PLEKHS1: variants seen among roughly 807,000 people sequenced by gnomAD.
PLEKHS1 encodes pleckstrin homology domain containing S1, also known as pleckstrin homology domain-containing family S member 1.
PLEKHS1 carries 55 observed loss-of-function variants against 51.0 expected under a neutral mutation model. The observed-to-expected ratio is 1.08, with a 90% confidence interval of 0.87 to 1.35. The LOEUF is 1.35. PLEKHS1 is among the 40% of genes most tolerant of loss of function. The pLI is 0.00. For missense variants in PLEKHS1, 398 were observed against 423.0 expected (o/e 0.94, Z 0.52); for synonymous variants, 153 against 144.8 (o/e 1.06, Z -0.41).
rs138481671 is a variant in PLEKHS1 at position 113,758,224 on chromosome 10, A to C, written c.28+2919A>C. On this transcript the variant is annotated intron_variant, in intron 2 of 11. Transcript: ENST00000361048. ...AACTTTGCCCAGATCCATCAGAGGA[A>C]TCACGATCTACAACAGCTATAGCCT... Among the ~76,000 whole-genome samples the C allele has an allele frequency of 7.8e-4, 119 of 152,328 alleles. 1 individual carries two copies. The highest frequency in any genetic ancestry group is 2.8e-3 in the African/African-American group (116 of 41,578).
intron 2 of PLEKHS1, chr10:113,765,151 T>C: frequency 2.4e-6 from 1 of 424,326 alleles, no homozygotes; most frequent in South Asian, 6.5e-5. Flanking sequence ...TTTTACCTTG[T>C]TGTTTCCTGA....
chr10:113,770,946 G>C (rs146613681), intron 7 of PLEKHS1, among the ~76,000 whole-genome samples: 2 of 152,138 alleles, frequency 1.3e-5, no homozygotes, highest in African/African-American at 4.8e-5. Flanking sequence ...AGCATGATCC[G>C]GCTCCATGAG....
chr10:113,766,767 C>T, intron 4 of PLEKHS1, 49 bp downstream of exon 4: 1 of 1,336,852 alleles, frequency 7.5e-7, no homozygotes, highest in Non-Finnish European at 1.0e-6. Flanking sequence ...ACTATAAAGT[C>T]AAACAGTAAC....
Position 113,767,352 on chromosome 10 carries a change from A to G in PLEKHS1, c.232A>G (p.Ser78Gly), listed in dbSNP as rs144206508. The change falls in exon 5 of 12, where the codon AGT (serine) becomes GGT (glycine). Residue 78 changes from serine (S) to glycine (G), a missense_variant. Physicochemically the swap from Ser to Gly is moderately conservative, Grantham distance 56. Coordinates refer to ENST00000361048, the Ensembl canonical transcript of PLEKHS1. ...TGTGTCTATATCTAATAGAAATTCCAGTGTAGAAGTTGGCATAAGTAGCCA... is the reference window on the plus strand; with the variant it reads ...TGTGTCTATATCTAATAGAAATTCCGGTGTAGAAGTTGGCATAAGTAGCCA... 26 of 1,600,206 alleles carry G rather than the reference A, an allele frequency of 1.6e-5. No homozygotes were observed. In the African/African-American group the frequency reaches 3.2e-4, roughly 20 times the overall value.
intron 1 of PLEKHS1, among the ~76,000 whole-genome samples, chr10:113,754,235 G>T (rs913814900): frequency 6.6e-6 from 1 of 152,216 alleles, no homozygotes; most frequent in Non-Finnish European, 1.5e-5. Flanking sequence ...GGTCAGGAGG[G>T]TCAAGGGCCT....
intron 2 of PLEKHS1, chr10:113,765,125 T>C: frequency 5.0e-6 from 2 of 398,444 alleles, no homozygotes; most frequent in Non-Finnish European, 9.0e-6. Context: ...TTTGATTGAC[T>C]GCCAAACATC....
At chr10:113,771,997 T>G in exon 8 of PLEKHS1, 1 of 1,613,268 alleles carries the variant, frequency 6.2e-7, no homozygotes, top group Non-Finnish European at 8.5e-7. Flanking sequence ...TTCTCCAGGA[T>G]TTAGGCAAAC....
intron 11 of PLEKHS1, among the ~76,000 whole-genome samples, chr10:113,778,483 T>G (rs1175350513): frequency 3.9e-5 from 6 of 152,156 alleles, no homozygotes; most frequent in African/African-American, 1.4e-4. Flanking sequence ...AGAACACATC[T>G]TATCTCTTCT....
At chr10:113,777,628 G>C in intron 11 of PLEKHS1, 2 of 1,542,402 alleles carry the variant, frequency 1.3e-6, no homozygotes, top group South Asian at 1.2e-5. Context: ...CTGGTTGTTG[G>C]ATAATTAAAT....
At chr10:113,777,878 A>G in intron 11 of PLEKHS1, 1 of 965,004 alleles carries the variant, frequency 1.0e-6, no homozygotes, top group Non-Finnish European at 1.4e-6. Flanking sequence ...TAATCCCAGC[A>G]CTTCGGAAGG....
intron 2 of PLEKHS1, among the ~76,000 whole-genome samples, chr10:113,761,894 A>T (rs1240695440): frequency 6.6e-6 from 1 of 152,080 alleles, no homozygotes; most frequent in Non-Finnish European, 1.5e-5. Context: ...GGCTTTGTGT[A>T]GAATTGATTA....
intron 2 of PLEKHS1, among the ~76,000 whole-genome samples, chr10:113,757,202 G>A (rs145694893): frequency 0.016 from 2,429 of 152,168 alleles, 66 homozygotes; most frequent in African/African-American, 0.054. Flanking sequence ...CATGAGCACC[G>A]CACTGTTGGC....
intron 2 of PLEKHS1, among the ~76,000 whole-genome samples, chr10:113,762,365 C>CTTTTTTTTTTTTTTTTTTTTTCT (rs1843977957): frequency 5.0e-4 from 31 of 61,782 alleles, no homozygotes; most frequent in African/African-American, 7.2e-4. Context: ...AGATTTGTTC[C>CTTTTTTTTTTTTTTTTTTTTTCT]TTTTTTTTTT....
exon 12 of PLEKHS1, chr10:113,781,859 C>T: frequency 6.5e-6 from 1 of 154,026 alleles, no homozygotes. Context: ...ACCCCACAGG[C>T]CAGAGTGCTG....
intron 2 of PLEKHS1, among the ~76,000 whole-genome samples, chr10:113,762,602 ATTAT>A (rs1329773018): frequency 2.6e-5 from 4 of 151,696 alleles, no homozygotes; most frequent in African/African-American, 4.8e-5. Flanking sequence ...AAATTTAGAG[ATTAT>A]TTATTTCAGG....
chr10:113,773,794 T>A (rs1437114693), intron 8 of PLEKHS1, among the ~76,000 whole-genome samples: 4 of 152,140 alleles, frequency 2.6e-5, no homozygotes, highest in Non-Finnish European at 5.9e-5. Context: ...TCTAGAACAT[T>A]GCAATGTCCC....
Position 113,773,444 on chromosome 10 carries a change from A to ATAAATAAATAAATAAATAAATAAATAAG in PLEKHS1, c.673-780_673-779insATAAATAAATAAATAAATAAATAAGTAA, listed in dbSNP as rs1461103367. Reference sequence around the variant, plus strand: ...AGACCAAAGATAAATAAATAAATAAATAAGTAAAAAAACTATGCAATGGAA... The same window carrying ATAAATAAATAAATAAATAAATAAATAAG: ...AGACCAAAGATAAATAAATAAATAAATAAATAAATAAATAAATAAATAAATAAGTAAGTAAAAAAACTATGCAATGGAA... On this transcript the variant is annotated intron_variant, in intron 8 of 11. Transcript: ENST00000361048. 9.5e-3 allele frequency among the ~76,000 whole-genome samples: 1,438 copies of ATAAATAAATAAATAAATAAATAAATAAG among 152,162 alleles called. 17 individuals are homozygous for ATAAATAAATAAATAAATAAATAAATAAG. Among genetic ancestry groups the ATAAATAAATAAATAAATAAATAAATAAG allele is most frequent in the African/African-American group, 0.032 (1,334 of 41,426 alleles).
intron 7 of PLEKHS1, among the ~76,000 whole-genome samples, chr10:113,770,160 G>C (rs543272367): frequency 6.6e-6 from 1 of 152,110 alleles, no homozygotes; most frequent in African/African-American, 2.4e-5. Flanking sequence ...AGACCCCTTT[G>C]CTAAACCAAA....
At chr10:113,777,245 T>C (rs1273261655) in intron 11 of PLEKHS1, 1 of 1,612,798 alleles carries the variant, frequency 6.2e-7, no homozygotes, top group Admixed American at 1.7e-5. Context: ...TCTTACCCGG[T>C]CCATCCAGAA....
Sources: allele counts gnomAD v4.1 joint callset (sites outside exome capture counted in the v4.1 genomes callset), GRCh38; gene constraint gnomAD v4.1.1; transcripts MANE v1.5; gene names NCBI Gene and HGNC (gene_info 2026-07-23, HGNC 2026-07-21).